Variants in FBXW4 observed in about 807,000 individuals in gnomAD.
The protein encoded by FBXW4 is F-box and WD repeat domain containing 4, also known as F-box/WD repeat-containing protein 4.
Under a neutral mutation model 61.8 loss-of-function variants are expected in FBXW4, and 40 were observed. The observed-to-expected ratio is 0.65, with a 90% CI of 0.50 to 0.84. The LOEUF is 0.84. Among genes scored for constraint, FBXW4 ranks in the 40% least tolerant of loss-of-function variants. FBXW4 has a pLI of 0.00. For missense variants in FBXW4, 672 were observed against 753.8 expected, an observed-to-expected ratio of 0.89 and a Z score of 1.27; for synonymous variants, 311 against 313.8, an observed-to-expected ratio of 0.99 and a Z score of 0.10.
At chr10:101,621,755 A>T (rs2063868431) in intron 6 of FBXW4, among the ~76,000 whole-genome samples, 1 of 152,212 alleles carries the variant, frequency 6.6e-6, no homozygotes, top group South Asian at 2.1e-4. Context: ...TCACAGCAAG[A>T]GGCACAGATA....
intron 5 of FBXW4, among the ~76,000 whole-genome samples, chr10:101,657,528 G>T (rs983467724): frequency 6.6e-6 from 1 of 151,770 alleles, no homozygotes; most frequent in Non-Finnish European, 1.5e-5. Flanking sequence ...CAGCTACTTG[G>T]GGGGCTGAGG....
chr10:101,667,774 G>T, intron 5 of FBXW4, 112 bp downstream of exon 5: 1 of 917,858 alleles, frequency 1.1e-6, no homozygotes, highest in South Asian at 1.5e-5. Context: ...CCAAGACAGT[G>T]ACTCAAAGCA....
chr10:101,638,405 T>C (rs927421061), intron 5 of FBXW4, among the ~76,000 whole-genome samples: 4 of 151,592 alleles, frequency 2.6e-5, no homozygotes, highest in Non-Finnish European at 5.9e-5. Flanking sequence ...TATCTATATA[T>C]GTACACATAT....
intron 5 of FBXW4, among the ~76,000 whole-genome samples, chr10:101,637,790 G>C (rs564514600): frequency 2.0e-5 from 3 of 151,320 alleles, no homozygotes; most frequent in Non-Finnish European, 4.4e-5. Flanking sequence ...ATGAGGAATA[G>C]AGAGGTAACT....
intron 5 of FBXW4, among the ~76,000 whole-genome samples, chr10:101,657,061 A>G (rs1203439190): frequency 2.0e-5 from 3 of 152,182 alleles, no homozygotes; most frequent in Non-Finnish European, 4.4e-5. Flanking sequence ...CTGCATGCAC[A>G]TAGTCACTTC....
chr10:101,618,088 T>C (rs2134805896), intron 6 of FBXW4, among the ~76,000 whole-genome samples: 1 of 152,310 alleles, frequency 6.6e-6, no homozygotes, highest in African/African-American at 2.4e-5. Context: ...CCAGCCTGTG[T>C]GCAGGACACG....
At chr10:101,629,603 C>G (rs902083469) in intron 5 of FBXW4, among the ~76,000 whole-genome samples, 1 of 151,948 alleles carries the variant, frequency 6.6e-6, no homozygotes, top group African/African-American at 2.4e-5. Flanking sequence ...CTATTTTACA[C>G]ATGAGGAGAC....
intron 5 of FBXW4, among the ~76,000 whole-genome samples, chr10:101,653,639 A>C (rs1213404340): frequency 6.6e-6 from 1 of 152,188 alleles, no homozygotes; most frequent in African/African-American, 2.4e-5. Context: ...CTTTCCTCTG[A>C]TTTCCTGTCA....
At chr10:101,647,385 T>C (rs1205731815) in intron 5 of FBXW4, among the ~76,000 whole-genome samples, 2 of 152,222 alleles carry the variant, frequency 1.3e-5, no homozygotes, top group East Asian at 1.9e-4. Context: ...TTCTTTGAAG[T>C]AGGAGAGTTT....
chr10:101,673,648 C>T lies in FBXW4; in HGVS notation c.847G>A (p.Asp283Asn). 2 of 1,613,884 alleles carry T rather than the reference C, an allele frequency of 1.2e-6. No homozygotes were observed. Among genetic ancestry groups the T allele is most frequent in the Non-Finnish European group, 1.7e-6 (2 of 1,179,772 alleles). The change falls in exon 3 of 9, where the codon GAT (aspartate) becomes AAT (asparagine). Residue 283 changes from aspartate (D) to asparagine (N), a missense_variant. Asp to Asn is a conservative substitution (Grantham distance 23). Around this residue, in one of 5 missense-constraint regions of FBXW4, gnomAD observed 312 missense variants for 370.1 expected, o/e 0.84. Transcript: ENST00000331272. ...CSQMPWMQLE[D>N]DSLYISQANF... is the part of the protein sequence containing the mutation. ...GCCTGGGATATGTACAGAGAATCATCCTCTAGCTGCATCCAGGGCATCTGA... is the reference window on the plus strand; with the variant it reads ...GCCTGGGATATGTACAGAGAATCATTCTCTAGCTGCATCCAGGGCATCTGA...
chr10:101,634,042 G>A (rs1294837802), intron 5 of FBXW4, among the ~76,000 whole-genome samples: 1 of 152,126 alleles, frequency 6.6e-6, no homozygotes, highest in African/African-American at 2.4e-5. Flanking sequence ...GAAACTGGGA[G>A]AGGGAGGTTG....
At chr10:101,681,191 C>T (rs948795598) in intron 1 of FBXW4, among the ~76,000 whole-genome samples, 4 of 150,352 alleles carry the variant, frequency 2.7e-5, no homozygotes, top group African/African-American at 9.8e-5. Flanking sequence ...AGTTTGAGAC[C>T]AGCCTGGCCA....
chr10:101,643,556 G>T (rs1330970269), intron 5 of FBXW4, among the ~76,000 whole-genome samples: 1 of 152,246 alleles, frequency 6.6e-6, no homozygotes, highest in East Asian at 1.9e-4. Context: ...GTGCTAAGGA[G>T]CAGATAGCGG....
At chr10:101,639,121 A>G (rs750361559) in intron 5 of FBXW4, among the ~76,000 whole-genome samples, 32 of 152,164 alleles carry the variant, frequency 2.1e-4, no homozygotes, top group Non-Finnish European at 3.4e-4. Flanking sequence ...CAGCTTGCTA[A>G]TCATTTTCCT....
At chr10:101,666,503 G>T (rs2064301824) in intron 5 of FBXW4, among the ~76,000 whole-genome samples, 1 of 152,124 alleles carries the variant, frequency 6.6e-6, no homozygotes, top group Admixed American at 6.6e-5. Context: ...GAAGCTGAAG[G>T]GCCTAAACGA....
chr10:101,691,565 CT>C (rs955793099), intron 1 of FBXW4, among the ~76,000 whole-genome samples: 3 of 151,444 alleles, frequency 2.0e-5, no homozygotes, highest in South Asian at 2.1e-4. Flanking sequence ...AATTCACTTT[CT>C]TTTTTTTTGT....
chr10:101,630,652 CTG>C (rs2063945697), intron 5 of FBXW4, among the ~76,000 whole-genome samples: 1 of 152,150 alleles, frequency 6.6e-6, no homozygotes, highest in Non-Finnish European at 1.5e-5. Flanking sequence ...AGTGACAGCA[CTG>C]TGAGGGAGAG....
At chr10:101,660,592 A>T (rs1167012115) in intron 5 of FBXW4, among the ~76,000 whole-genome samples, 1 of 152,210 alleles carries the variant, frequency 6.6e-6, no homozygotes, top group East Asian at 1.9e-4. Flanking sequence ...CCATGCTTCC[A>T]CTTTGGGATG....
intron 4 of FBXW4, among the ~76,000 whole-genome samples, chr10:101,668,651 C>G (rs188751561): frequency 2.1e-3 from 315 of 152,240 alleles, no homozygotes; most frequent in African/African-American, 7.3e-3. Flanking sequence ...AAAAATATTG[C>G]TTGGAGCACA....
Sources: allele counts gnomAD v4.1 joint callset (sites outside exome capture counted in the v4.1 genomes callset), GRCh38; gene constraint gnomAD v4.1.1; regional missense constraint gnomAD v4.1.1; transcripts MANE v1.5; gene names NCBI Gene and HGNC (gene_info 2026-07-23, HGNC 2026-07-21).